Variants in FAM184B observed in about 807,000 individuals in gnomAD.
FAM184B encodes the protein protein FAM184B.
A neutral mutation model predicts 135.9 loss-of-function variants in FAM184B; 111 were observed. The ratio of observed to expected loss-of-function variants is 0.82; its 90% CI spans 0.70 to 0.96. The LOEUF is 0.96. Ranked by LOEUF, FAM184B falls within the 40% of genes least tolerant of loss-of-function variation. The pLI is 0.00. For missense variants in FAM184B, 1,375 were observed against 1,323.9 expected (o/e 1.04, Z -0.60); for synonymous variants, 552 against 524.8 (o/e 1.05, Z -0.71).
chr4:17,659,137 G>T (rs1187015904), intron 9 of FAM184B, among the ~76,000 whole-genome samples: 13 of 147,276 alleles, frequency 8.8e-5, no homozygotes, highest in Admixed American at 8.1e-4. Context: ...ACAGGGTCTT[G>T]CTTTGTTACC....
chr4:17,766,806 C>G (rs1398173991), intron 1 of FAM184B, among the ~76,000 whole-genome samples: 1 of 152,236 alleles, frequency 6.6e-6, no homozygotes, highest in East Asian at 1.9e-4. Context: ...CGCAGAGCAC[C>G]CGCACTCCTC....
At chr4:17,698,821 T>G (rs937801104) in intron 5 of FAM184B, among the ~76,000 whole-genome samples, 2 of 152,164 alleles carry the variant, frequency 1.3e-5, no homozygotes, top group African/African-American at 4.8e-5. Context: ...TTTAACTGCC[T>G]GTCAAAACAA....
Position 17,739,555 on chromosome 4 carries a change from G to GTTTTTTGTTTTTTT in FAM184B, c.142-29912_142-29911insAAAAAAACAAAAAA, listed in dbSNP as rs1717980699. 9.6e-5 allele frequency among the ~76,000 whole-genome samples: 6 copies of GTTTTTTGTTTTTTT among 62,510 alleles called. 1 individual carries two copies. The highest frequency in any genetic ancestry group is 1.4e-4 in the Non-Finnish European group (5 of 36,468). 41.0% of individuals were successfully genotyped at this position (62,510 alleles called of 152,430 possible). ...CCCTACACCATATGTCATACCAACT[G>GTTTTTTGTTTTTTT]TTTTTTTTTTTTTTTTGAGATGGGG... On this transcript the variant is annotated intron_variant, in intron 1 of 17. Transcript: ENST00000265018.
intron 7 of FAM184B, among the ~76,000 whole-genome samples, chr4:17,679,330 T>A (rs1716385549): frequency 6.6e-6 from 1 of 151,530 alleles, no homozygotes; most frequent in Admixed American, 6.6e-5. Context: ...ATCAGCAAGA[T>A]AAAACAATCC....
chr4:17,720,272 T>G (rs1188884138), intron 1 of FAM184B, among the ~76,000 whole-genome samples: 4 of 152,226 alleles, frequency 2.6e-5, no homozygotes, highest in Admixed American at 6.5e-5. Flanking sequence ...TCAAATTTAA[T>G]TCTGGATTTT....
intron 1 of FAM184B, among the ~76,000 whole-genome samples, chr4:17,748,311 C>A (rs1006984975): frequency 6.6e-6 from 1 of 151,864 alleles, no homozygotes; most frequent in African/African-American, 2.4e-5. Context: ...TTTTGGCAAC[C>A]CCCCACCTGC....
chr4:17,709,385 A>G lies in FAM184B; in HGVS notation c.401T>C (p.Leu134Pro), dbSNP rs1717196291. The G allele has an allele frequency of 2.6e-6, 4 of 1,527,456 alleles. No homozygotes were observed. The highest frequency in any genetic ancestry group is 3.5e-6 in the Non-Finnish European group (4 of 1,133,004). 94.6% of individuals were successfully genotyped at this position (1,527,456 alleles called of 1,614,324 possible). The change falls in exon 2 of 18, where the codon CTG becomes CCG. Residue 134 changes from leucine to proline, a missense_variant. Leu to Pro is a moderately conservative substitution (Grantham distance 98, BLOSUM62 -3). Coordinates refer to ENST00000265018, the MANE Select transcript of FAM184B (RefSeq NM_015688.2). ...SCRLETKERE[L>P]RVEAEHAERV... ...CTCGGCGTGCTCTGCCTCCACCCTCAGCTCTCTCTCCTTCGTCTCCAGCCT... is the reference window on the plus strand; with the variant it reads ...CTCGGCGTGCTCTGCCTCCACCCTCGGCTCTCTCTCCTTCGTCTCCAGCCT...
At chr4:17,675,093 A>T (rs1434583359) in intron 7 of FAM184B, among the ~76,000 whole-genome samples, 1 of 152,246 alleles carries the variant, frequency 6.6e-6, no homozygotes, top group African/African-American at 2.4e-5. Flanking sequence ...GCCCAGATCC[A>T]TCAGGAGAAC....
At chr4:17,713,769 C>T (rs923769219) in intron 1 of FAM184B, among the ~76,000 whole-genome samples, 15 of 152,184 alleles carry the variant, frequency 9.9e-5, no homozygotes, top group African/African-American at 1.9e-4. Context: ...TATTCATTCG[C>T]GGATTCACTG....
At position 17,639,572 on chromosome 4, in the gene FAM184B, G is replaced by A. The variant is rs541141203; in HGVS notation, c.2520-176C>T. On this transcript the variant is annotated intron_variant, in intron 13 of 17. Coordinates refer to ENST00000265018, the MANE Select transcript of FAM184B (RefSeq NM_015688.2). ...AAGTCTCTTGAGTTGTGGAGTCCAG[G>A]ACAAACCCCCACTATGGGACCCCTT... Among the ~76,000 whole-genome samples the A allele has an allele frequency of 5.3e-5, 8 of 152,244 alleles. No homozygotes were observed. In the East Asian group the frequency reaches 1.5e-3, roughly 29 times the overall value.
At chr4:17,762,484 A>C (rs555738549) in intron 1 of FAM184B, among the ~76,000 whole-genome samples, 1 of 152,306 alleles carries the variant, frequency 6.6e-6, no homozygotes, top group South Asian at 2.1e-4. Flanking sequence ...ATCCGGCTTC[A>C]TTAGGGCCAG....
At chr4:17,761,516 A>G (rs1318439040) in intron 1 of FAM184B, among the ~76,000 whole-genome samples, 1 of 152,204 alleles carries the variant, frequency 6.6e-6, no homozygotes, top group Non-Finnish European at 1.5e-5. Context: ...CTGGCCCATC[A>G]GCCTTGGAAT....
chr4:17,709,488 G>T lies in FAM184B; in HGVS notation c.298C>A (p.Arg100Ser), dbSNP rs535660257. The T allele has an allele frequency of 3.2e-6, 5 of 1,548,118 alleles. No homozygotes were observed. In the South Asian group the frequency reaches 3.6e-5, roughly 11 times the overall value. ...AGGGCGCTCTCCAGGGCCTGGATGC[G>T]CTGTAGAAGGGCTTCCTCCTCTGCG... ...GCAEEEALLQRIQALESALEL... is the reference protein window; with the variant it reads ...GCAEEEALLQSIQALESALEL... Residue 100 changes from arginine to serine, a missense_variant, in exon 2 of 18, where the codon CGC becomes AGC. Coordinates refer to ENST00000265018, the MANE Select transcript of FAM184B (RefSeq NM_015688.2).
At chr4:17,749,291 G>A (rs948440255) in intron 1 of FAM184B, among the ~76,000 whole-genome samples, 1 of 151,876 alleles carries the variant, frequency 6.6e-6, no homozygotes, top group Non-Finnish European at 1.5e-5. Context: ...GATCAGAAAC[G>A]AAAGAACCAG....
In FAM184B at chr4:17,674,021, A is replaced by C. The variant is rs80083148; in HGVS notation, c.1597-9362T>G. On this transcript the variant is annotated intron_variant, in intron 7 of 17. Coordinates refer to ENST00000265018, the MANE Select transcript of FAM184B (RefSeq NM_015688.2). The stretch of plus-strand genomic sequence containing the variant: ...TCATCACTAGACCTGCCTTACAAGA[A>C]ATGCTAAAGGAATTTCTTCAAGTTG... 7.5e-4 allele frequency among the ~76,000 whole-genome samples: 114 copies of C among 152,310 alleles called. 1 individual carries two copies. The highest frequency in any genetic ancestry group is 2.6e-3 in the African/African-American group (107 of 41,588).
chr4:17,649,544 A>G (rs928756687), intron 11 of FAM184B, among the ~76,000 whole-genome samples: 7 of 150,898 alleles, frequency 4.6e-5, no homozygotes, highest in Non-Finnish European at 1.0e-4. Context: ...AGATCACACC[A>G]CTGCACTCCA....
In FAM184B at chr4:17,745,782, T is replaced by A. The variant is rs115762962; in HGVS notation, c.141+35377A>T. On this transcript the variant is annotated intron_variant, in intron 1 of 17. Transcript: ENST00000265018. ...CCTTCTCTCATCTGTAGCATCAATG[T>A]CACTCGACTGGATTTCTGGGGTCCC... Among the ~76,000 whole-genome samples, 796 of 152,334 alleles carry A rather than the reference T, an allele frequency of 5.2e-3. 9 individuals are homozygous for A. The highest frequency in any genetic ancestry group is 0.018 in the African/African-American group (753 of 41,580).
chr4:17,647,913 G>A, intron 11 of FAM184B, 122 bp from the exon 12 acceptor site: 1 of 1,126,664 alleles, frequency 8.9e-7, no homozygotes, highest in Non-Finnish European at 1.2e-6. Context: ...CTTGTGGTGG[G>A]TTAGGTTCCC....
At chr4:17,650,280 G>T (rs143333779) in intron 11 of FAM184B, among the ~76,000 whole-genome samples, 2 of 146,972 alleles carry the variant, frequency 1.4e-5, no homozygotes, top group Non-Finnish European at 3.0e-5. Context: ...CTATAGTATT[G>T]CAGGTCAGTT....
Sources: gnomAD v4.1 joint callset for allele counts (sites outside exome capture counted in the v4.1 genomes callset) on GRCh38, gnomAD v4.1.1 for gene constraint, MANE v1.5 for transcripts, NCBI Gene and HGNC (gene_info 2026-07-23, HGNC 2026-07-21) for gene names.